Variants in FSIP2 observed in about 807,000 individuals in gnomAD.
FSIP2 encodes fibrous sheath interacting protein 2.
A neutral mutation model predicts 510.5 loss-of-function variants in FSIP2; 367 were observed. That is an observed-to-expected ratio of 0.72 (90% CI 0.66 to 0.78). The LOEUF (loss-of-function observed/expected upper bound fraction) is 0.78. FSIP2 is among the 30% of genes least tolerant of loss of function. The pLI is 0.00. For missense variants in FSIP2, 7,594 were observed against 7,901.7 expected, an observed-to-expected ratio of 0.96 and a Z score of 1.48; for synonymous variants, 2,601 against 2,732.2, an observed-to-expected ratio of 0.95 and a Z score of 1.50.
At chr2:185,738,367 A>G (rs779218873), upstream of FSIP2, 28 of 502,098 alleles carry the variant, frequency 5.6e-5, no homozygotes, top group Middle Eastern at 5.3e-4. Flanking sequence ...GGGACAGAAG[A>G]GGCAGGAGGA....
At position 185,793,823 on chromosome 2, in the gene FSIP2, G is replaced by T; in HGVS notation, c.6687G>T (p.Gln2229His). The T allele has an allele frequency of 2.0e-6, 3 of 1,532,788 alleles. No homozygotes were observed. The South Asian group carries it at 3.6e-5, about 18-fold the overall frequency. The allele number at this position is 1,532,788 out of a possible 1,614,324, so 94.9% of individuals were successfully genotyped here. A position where few individuals can be genotyped will look rare whatever the true frequency, so the allele number is the denominator to read the frequency against. ...NQKSAYADDN[Q>H]ITVVEKEDTQ... The stretch of plus-strand genomic sequence containing the variant: ...AATCAGCTTATGCTGATGATAATCA[G>T]ATAACTGTAGTAGAGAAAGAAGACA... The change falls in exon 16 of 23, where the codon CAG (glutamine) becomes CAT (histidine). Residue 2229 changes from glutamine (Q) to histidine (H), a missense_variant. Coordinates refer to ENST00000424728, the MANE Select transcript of FSIP2 (RefSeq NM_173651.4).
In FSIP2 at chr2:185,795,457, T is replaced by C. The variant is rs543174675; in HGVS notation, c.8321T>C (p.Ile2774Thr). ...GATCAAATCATAGCAGCAGGTAAAA[T>C]AGTTAATACAGTTTTGCAAGAATTA... ...PSDQIIAAGK[I>T]VNTVLQELYV... is the part of the protein sequence containing the mutation. The change falls in exon 16 of 23, where the codon ATA (isoleucine) becomes ACA (threonine). Residue 2774 changes from isoleucine (I) to threonine (T), a missense_variant. By Grantham distance (89) the Ile-to-Thr change is moderately conservative (BLOSUM62 -1). Coordinates refer to ENST00000424728, the MANE Select transcript of FSIP2 (RefSeq NM_173651.4). 1.3e-6 allele frequency: 2 copies of C among 1,534,766 alleles called. No homozygotes were observed. Among genetic ancestry groups the C allele is most frequent in the Middle Eastern group, 1.7e-4 (1 of 5,980 alleles).
chr2:185,827,473 G>A (rs1438713029), intron 20 of FSIP2, among the ~76,000 whole-genome samples: 1 of 151,846 alleles, frequency 6.6e-6, no homozygotes. Flanking sequence ...TTTAAGCAAT[G>A]AAGCTAAGAT....
Position 185,789,455 on chromosome 2 carries a change from A to C in FSIP2, c.2319A>C (p.Lys773Asn), listed in dbSNP as rs2105610122. Residue 773 changes from lysine to asparagine, a missense_variant, in exon 16 of 23, where the codon AAA becomes AAC. Coordinates refer to ENST00000424728, the MANE Select transcript of FSIP2 (RefSeq NM_173651.4). ...AGTTAGAGTCTGCAGTTGAGAAAAA[A>C]TGTGTTGAGATGTTTTCACAAGATT... ...LEKLESAVEKKCVEMFSQDLS... is the reference protein window; with the variant it reads ...LEKLESAVEKNCVEMFSQDLS... 6.5e-7 allele frequency: 1 copy of C among 1,534,684 alleles called. No homozygotes were observed. The highest frequency in any genetic ancestry group is 2.4e-5 in the East Asian group (1 of 40,850).
intron 13 of FSIP2, among the ~76,000 whole-genome samples, chr2:185,775,616 CCAT>C (rs1229545551): frequency 6.6e-6 from 1 of 152,036 alleles, no homozygotes; most frequent in Admixed American, 6.6e-5. Context: ...CACTCCCAGA[CCAT>C]CTGTTAACTC....
At position 185,789,148 on chromosome 2, in the gene FSIP2, G is replaced by A. The variant is rs1393733078; in HGVS notation, c.2012G>A (p.Gly671Glu). Reference sequence around the variant, plus strand: ...GCTACCACTGAAACAGATAGCTTAGGGAGTTCATTGCATTGTGATAAAACA... The same window carrying A: ...GCTACCACTGAAACAGATAGCTTAGAGAGTTCATTGCATTGTGATAAAACA... ...KDATTETDSL[G>E]SSLHCDKTAK... The change falls in exon 16 of 23, where the codon GGG (glycine) becomes GAG (glutamate). Residue 671 changes from glycine (G) to glutamate (E), a missense_variant. Coordinates refer to ENST00000424728, the MANE Select transcript of FSIP2 (RefSeq NM_173651.4). 1 of 1,535,000 alleles carries A rather than the reference G, an allele frequency of 6.5e-7. No homozygotes were observed. Among genetic ancestry groups the A allele is most frequent in the South Asian group, 1.2e-5 (1 of 84,028 alleles).
chr2:185,766,457 A>T (rs1208935294), intron 13 of FSIP2: 77 of 148,986 alleles, frequency 5.2e-4, no homozygotes, highest in African/African-American at 1.8e-3. Context: ...CAATGAACTC[A>T]AACAAATTTA....
chr2:185,813,974 G>C lies in FSIP2; in HGVS notation c.20257G>C (p.Asp6753His), dbSNP rs1693786765. 5 of 1,613,488 alleles carry C rather than the reference G, an allele frequency of 3.1e-6. No homozygotes were observed. The highest frequency in any genetic ancestry group is 4.2e-6 in the Non-Finnish European group (5 of 1,179,652). Residue 6753 changes from aspartate (D) to histidine (H), a missense_variant, in exon 18 of 23, where the codon GAC becomes CAC. Asp to His is a moderately conservative substitution (Grantham distance 81). Coordinates refer to ENST00000424728, the MANE Select transcript of FSIP2 (RefSeq NM_173651.4). The part of the protein sequence containing the change: ...THVKRAVAEL[D>H]MATPKTMPET... ...TGTTAAAAGAGCTGTTGCTGAGCTT[G>C]ACATGGCCACACCAAAGACGATGCC...
At chr2:185,799,055 T>C (rs1270312850) in intron 16 of FSIP2, among the ~76,000 whole-genome samples, 1 of 151,798 alleles carries the variant, frequency 6.6e-6, no homozygotes, top group Non-Finnish European at 1.5e-5. Context: ...CACCCAGCAG[T>C]TGGCCATTGC....
Position 185,801,547 on chromosome 2 carries a change from A to G in FSIP2, c.12241A>G (p.Asn4081Asp). 1 of 1,534,178 alleles carries G rather than the reference A, an allele frequency of 6.5e-7. No individual in the cohort carries two copies. The highest frequency in any genetic ancestry group is 1.2e-5 in the South Asian group (1 of 83,982). The stretch of plus-strand genomic sequence containing the variant: ...TGCCTCAATAGCAGAACAAATAACA[A>G]ATGGCATATTGTTAGAGATTTTAGA... ...DNASIAEQIT[N>D]GILLEILDYK... Residue 4081 changes from asparagine to aspartate, a missense_variant, in exon 17 of 23, where the codon AAT (asparagine) becomes GAT (aspartate). Coordinates refer to ENST00000424728, the MANE Select transcript of FSIP2 (RefSeq NM_173651.4).
In FSIP2 at chr2:185,790,520, C is replaced by CTT. The variant is rs1693096115; in HGVS notation, c.3385_3386dup (p.Leu1129PhefsTer2). 2 of 1,534,066 alleles carry CTT rather than the reference C, an allele frequency of 1.3e-6. No individual in the cohort carries two copies. The highest frequency in any genetic ancestry group is 8.7e-7 in the Non-Finnish European group (1 of 1,145,656). ...ACATATCTTCCGTTCCTTTTGGTCA[C>CTT]TTAGACAGCAAAACTGGCAGTGAAG... On this transcript the variant is annotated frameshift_variant, in exon 16 of 23. Coordinates refer to ENST00000424728, the MANE Select transcript of FSIP2 (RefSeq NM_173651.4). LOFTEE classifies it high-confidence loss of function.
intron 13 of FSIP2, among the ~76,000 whole-genome samples, chr2:185,767,214 T>G (rs1312183687): frequency 2.7e-5 from 4 of 149,466 alleles, no homozygotes; most frequent in African/African-American, 9.9e-5. Flanking sequence ...ATATACCTAA[T>G]GCTAGATGAC....
At chr2:185,765,302 T>C (rs1351474864) in intron 13 of FSIP2, 1 of 152,038 alleles carries the variant, frequency 6.6e-6, no homozygotes, top group African/African-American at 2.4e-5. Context: ...TCACTTCATG[T>C]AGTTACTATT....
chr2:185,805,640 C>T lies in FSIP2; in HGVS notation c.16334C>T (p.Ser5445Leu), dbSNP rs772664947. The stretch of plus-strand genomic sequence containing the variant: ...AACCAACTTTCTTTACCAGATCAAT[C>T]ATATAAAGATACTTCTTCCACCCCA... The part of the protein sequence containing the change: ...KENQLSLPDQ[S>L]YKDTSSTPDC... The change falls in exon 17 of 23, where the codon TCA becomes TTA. Residue 5445 changes from serine to leucine, a missense_variant. Physicochemically the swap from Ser to Leu is moderately radical, Grantham distance 145. Coordinates refer to ENST00000424728, the MANE Select transcript of FSIP2 (RefSeq NM_173651.4). 1.2e-6 allele frequency: 2 copies of T among 1,610,306 alleles called. No individual in the cohort carries two copies. The highest frequency in any genetic ancestry group is 2.2e-5 in the South Asian group (2 of 90,664).
chr2:185,738,914 C>T lies in FSIP2; in HGVS notation c.20C>T (p.Ala7Val), dbSNP rs2105521064. The change falls in exon 1 of 23, where the codon GCC becomes GTC. Residue 7 changes from alanine (A) to valine (V), a missense_variant. Transcript: ENST00000424728. ...CCGGCCATGGAGCTGTACCTCGGCGCCTGCTCCAAGCCTGCCAAAGTCGCC... is the reference window on the plus strand; with the variant it reads ...CCGGCCATGGAGCTGTACCTCGGCGTCTGCTCCAAGCCTGCCAAAGTCGCC... The part of the protein sequence containing the change: MELYLG[A>V]CSKPAKVAVT... The T allele has an allele frequency of 6.5e-7, 1 of 1,535,050 alleles. No individual in the cohort carries two copies. Among genetic ancestry groups the T allele is most frequent in the Non-Finnish European group, 8.7e-7 (1 of 1,146,708 alleles).
In FSIP2 at chr2:185,795,060, A is replaced by C; in HGVS notation, c.7924A>C (p.Asn2642His). The C allele has an allele frequency of 6.5e-7, 1 of 1,534,754 alleles. No individual in the cohort carries two copies. Among genetic ancestry groups the C allele is most frequent in the Non-Finnish European group, 8.7e-7 (1 of 1,146,046 alleles). ...TCAAATGGTTCTCAATAAGATCACA[A>C]ATTTTGTCTCACTTCCTTTAAAGGT... ...LIQMVLNKIT[N>H]FVSLPLKVSP... Residue 2642 changes from asparagine (N) to histidine (H), a missense_variant, in exon 16 of 23, where the codon AAT (asparagine) becomes CAT (histidine). By Grantham distance (68) the Asn-to-His change is moderately conservative. Coordinates refer to ENST00000424728, the MANE Select transcript of FSIP2 (RefSeq NM_173651.4).
At chr2:185,813,082 G>T (rs1029806117) in intron 17 of FSIP2, among the ~76,000 whole-genome samples, 4 of 152,008 alleles carry the variant, frequency 2.6e-5, no homozygotes, top group African/African-American at 9.7e-5. Flanking sequence ...AGGGAGTAAA[G>T]ATTTTAAAAC....
intron 20 of FSIP2, among the ~76,000 whole-genome samples, chr2:185,825,761 A>G (rs1694003969): frequency 6.6e-6 from 1 of 151,824 alleles, no homozygotes; most frequent in South Asian, 2.1e-4. Context: ...TTTTCTTTGT[A>G]TCCTGAGATC....
chr2:185,793,451 CCT>C lies in FSIP2; in HGVS notation c.6316_6317del (p.Leu2106ValfsTer4). 6.5e-7 allele frequency: 1 copy of C among 1,534,088 alleles called. No homozygotes were observed. Among genetic ancestry groups the C allele is most frequent in the Non-Finnish European group, 8.7e-7 (1 of 1,145,558 alleles). ...TCCTATGTGATATTTATGAAAAAAC[CCT>C]GTTTCAGAATAATCTCTCATTTGCC... ...GILCDIYEKT[L>X]FQNNLSFATP... On this transcript the variant is annotated frameshift_variant, in exon 16 of 23. Coordinates refer to ENST00000424728, the MANE Select transcript of FSIP2 (RefSeq NM_173651.4). LOFTEE classifies it high-confidence loss of function.
Sources: allele counts gnomAD v4.1 joint callset (sites outside exome capture counted in the v4.1 genomes callset), GRCh38; gene constraint gnomAD v4.1.1; transcripts MANE v1.5; gene names NCBI Gene and HGNC (gene_info 2026-07-23, HGNC 2026-07-21).